Variants in ARMH3 observed in about 807,000 individuals in gnomAD.
The protein encoded by ARMH3 is armadillo like helical domain containing 3.
A neutral mutation model predicts 99.1 loss-of-function variants in ARMH3; 60 were observed. The observed-to-expected ratio is 0.61, with a 90% CI of 0.49 to 0.75. The LOEUF (loss-of-function observed/expected upper bound fraction) is 0.75. Ranked by LOEUF, ARMH3 falls within the 30% of genes least tolerant of loss-of-function variation. The probability of loss-of-function intolerance (pLI) is 0.00; values close to 1 mark genes in which losing one functional copy is unlikely to be tolerated. For synonymous variants in ARMH3, 285 were observed against 292.8 expected, an observed-to-expected ratio of 0.97 and a Z score of 0.27; for missense variants, 679 against 843.1, an observed-to-expected ratio of 0.81 and a Z score of 2.41.
At chr10:101,857,037 TA>T (rs1036101157) in intron 24 of ARMH3, among the ~76,000 whole-genome samples, 1 of 151,736 alleles carries the variant, frequency 6.6e-6, no homozygotes, top group African/African-American at 2.4e-5. Context: ...GACCACAAAG[TA>T]GGTATACAGA....
chr10:102,023,031 T>C (rs767702413), intron 8 of ARMH3, among the ~76,000 whole-genome samples: 2 of 151,852 alleles, frequency 1.3e-5, no homozygotes, highest in Non-Finnish European at 2.9e-5. Context: ...CCACTAAAAA[T>C]ACAAAATTAG....
chr10:101,883,986 TCACACACA>T (rs140583795), intron 24 of ARMH3, among the ~76,000 whole-genome samples: 3 of 145,458 alleles, frequency 2.1e-5, no homozygotes, highest in Admixed American at 1.4e-4. Flanking sequence ...GAGGGAGATC[TCACACACA>T]CACACACACA....
intron 4 of ARMH3, among the ~76,000 whole-genome samples, chr10:102,031,516 T>C (rs1238679073): frequency 6.6e-6 from 1 of 152,224 alleles, no homozygotes. Flanking sequence ...TGAGCCCCTA[T>C]GCTACAACTT....
At chr10:101,995,189 A>G (rs976255458) in intron 16 of ARMH3, 108 bp downstream of exon 16, 10 of 951,010 alleles carry the variant, frequency 1.1e-5, no homozygotes, top group Admixed American at 2.2e-5. Flanking sequence ...TTTCTCTCCT[A>G]AACTTTAGGA....
chr10:101,991,143 T>C lies in ARMH3; in HGVS notation c.1346-532A>G, dbSNP rs375188876. 5.9e-5 allele frequency among the ~76,000 whole-genome samples: 9 copies of C among 152,178 alleles called. No homozygotes were observed. In the East Asian group the frequency reaches 9.6e-4, roughly 16 times the overall value. On this transcript the variant is annotated intron_variant, in intron 18 of 25. Transcript: ENST00000370033. ...CTTAATTACTGTTTCTAAAATTAAG[T>C]AGATTTAGAAACTGGGGCTGAATAT...
At chr10:101,946,983 T>A (rs139270603) in intron 22 of ARMH3, among the ~76,000 whole-genome samples, 1 of 149,902 alleles carries the variant, frequency 6.7e-6, no homozygotes, top group South Asian at 2.1e-4. Context: ...AGGTCAGGAG[T>A]TCAAGACCAG....
chr10:101,849,947 G>T (rs7918620), intron 24 of ARMH3, 55 bp from the exon 25 acceptor site: 371,823 of 1,506,716 alleles, frequency 0.25, 48,715 homozygotes, highest in East Asian at 0.52. Flanking sequence ...CCACAACCCT[G>T]AGCCCCATTC....
intron 1 of ARMH3, among the ~76,000 whole-genome samples, chr10:102,042,619 CTGCCTGAAA>C (rs1263844242): frequency 6.6e-6 from 1 of 152,224 alleles, no homozygotes; most frequent in Admixed American, 6.5e-5. Context: ...ACCACCCAAG[CTGCCTGAAA>C]TGTGACTGGA....
chr10:102,037,284 C>T (rs1049804314), intron 2 of ARMH3, among the ~76,000 whole-genome samples: 9 of 149,490 alleles, frequency 6.0e-5, no homozygotes, highest in African/African-American at 2.2e-4. Context: ...CGGGTTCAAG[C>T]GATTCTCCTG....
At chr10:101,968,858 T>C (rs1489350436) in intron 20 of ARMH3, among the ~76,000 whole-genome samples, 4 of 152,212 alleles carry the variant, frequency 2.6e-5, no homozygotes, top group Non-Finnish European at 5.9e-5. Context: ...AGACAATATT[T>C]CATAACTACA....
chr10:102,040,197 A>C, intron 1 of ARMH3, 72 bp from the exon 2 acceptor site: 22 of 1,278,740 alleles, frequency 1.7e-5, no homozygotes, highest in South Asian at 2.4e-5. Flanking sequence ...GATATATGTC[A>C]TACATTTGTC....
chr10:101,939,729 G>A (rs745407888), intron 23 of ARMH3, 134 bp downstream of exon 23: 6 of 616,742 alleles, frequency 9.7e-6, no homozygotes, highest in South Asian at 2.9e-5. Flanking sequence ...GATCAAGTAC[G>A]ACAATTTTTC....
intron 8 of ARMH3, among the ~76,000 whole-genome samples, chr10:102,014,513 G>A (rs984141300): frequency 2.0e-5 from 3 of 152,156 alleles, no homozygotes; most frequent in Non-Finnish European, 4.4e-5. Flanking sequence ...CAAACTACAT[G>A]CAAGGACTGA....
chr10:101,852,679 G>T (rs2066631345), intron 24 of ARMH3, among the ~76,000 whole-genome samples: 1 of 151,800 alleles, frequency 6.6e-6, no homozygotes, highest in African/African-American at 2.4e-5. Context: ...AACCTGGAAG[G>T]CAGAGGATGC....
intron 6 of ARMH3, among the ~76,000 whole-genome samples, chr10:102,024,045 A>T (rs1028557638): frequency 1.4e-4 from 21 of 152,148 alleles, no homozygotes; most frequent in African/African-American, 4.1e-4. Context: ...GCACAGGAGG[A>T]GGTTTATGAA....
chr10:101,970,663 A>G (rs1451237388), intron 20 of ARMH3, among the ~76,000 whole-genome samples: 1 of 152,098 alleles, frequency 6.6e-6, no homozygotes, highest in Non-Finnish European at 1.5e-5. Context: ...CTCTAAAAAA[A>G]AAAATACAAA....
intron 22 of ARMH3, among the ~76,000 whole-genome samples, chr10:101,947,796 AAAATAAATAAATAAAT>A (rs56657656): frequency 6.2e-5 from 9 of 145,272 alleles, no homozygotes; most frequent in Non-Finnish European, 1.2e-4. Flanking sequence ...GCGAAACTCA[AAAATAAATAAATAAAT>A]AAATAAATAA....
intron 23 of ARMH3, among the ~76,000 whole-genome samples, chr10:101,920,590 A>T (rs1843268190): frequency 6.6e-6 from 1 of 152,210 alleles, no homozygotes; most frequent in African/African-American, 2.4e-5. Context: ...TGAGAATCCA[A>T]GTGAAAAAGA....
intron 22 of ARMH3, among the ~76,000 whole-genome samples, chr10:101,943,933 G>A (rs752994557): frequency 5.3e-5 from 8 of 151,066 alleles, no homozygotes; most frequent in Non-Finnish European, 1.2e-4. Flanking sequence ...GTGTGGTGGC[G>A]GACACCTGTA....
Sources: allele counts gnomAD v4.1 joint callset (sites outside exome capture counted in the v4.1 genomes callset), GRCh38; gene constraint gnomAD v4.1.1; transcripts MANE v1.5; gene names NCBI Gene and HGNC (gene_info 2026-07-23, HGNC 2026-07-21).